NOTCH2: variants seen among roughly 807,000 people sequenced by gnomAD.
The protein encoded by NOTCH2 is notch receptor 2.
Under a neutral mutation model 235.8 loss-of-function variants are expected in NOTCH2, and 29 were observed. That is an observed-to-expected ratio of 0.12 (90% CI 0.09 to 0.17). The LOEUF (loss-of-function observed/expected upper bound fraction) is 0.17, where lower values mean the gene tolerates loss of function less well. Ranked by LOEUF, NOTCH2 falls within the 10% of genes least tolerant of loss-of-function variation. The probability of loss-of-function intolerance (pLI) is 1.00; values close to 1 mark genes in which losing one functional copy is unlikely to be tolerated. For missense variants in NOTCH2, 2,285 were observed against 3,150.2 expected (o/e 0.73, Z 6.57); for synonymous variants, 1,086 against 1,141.5 (o/e 0.95, Z 0.98).
intron 4 of NOTCH2, chr1:119,994,529 T>TACACACAC (rs36007595): frequency 1.8e-5 from 2 of 111,922 alleles, no homozygotes; most frequent in African/African-American, 4.3e-5. Context: ...CATATATATA[T>TACACACAC]ACACACACAC....
At chr1:119,916,760 A>C in intron 33 of NOTCH2, 66 bp from the exon 34 acceptor site, 2 of 1,507,824 alleles carry the variant, frequency 1.3e-6, no homozygotes, top group Non-Finnish European at 1.8e-6. Flanking sequence ...AGTTTTTCTC[A>C]ATCTTTTTTA....
rs1655157702 is a variant in NOTCH2 at position 120,057,289 on chromosome 1, GCTA to G, written c.73+12042_73+12044del. Among the ~76,000 whole-genome samples the G allele has an allele frequency of 7.3e-5, 9 of 123,660 alleles. No individual in the cohort carries two copies. The South Asian group carries it at 2.3e-3, about 32-fold the overall frequency. The allele number at this position is 123,660 out of a possible 152,430, so 81.1% of individuals were successfully genotyped here. A position where few individuals can be genotyped will look rare whatever the true frequency, so the allele number is the denominator to read the frequency against. On this transcript the variant is annotated intron_variant, in intron 1 of 33. Transcript: ENST00000256646. ...CTTCATAACAACTCCAAAATATACT[GCTA>G]CTATCTTTATTTTTAAAATAATAAA...
At position 119,929,077 on chromosome 1, in the gene NOTCH2, T is replaced by G; in HGVS notation, c.3791A>C (p.Asp1264Ala). Residue 1264 changes from aspartate to alanine, a missense_variant, in exon 23 of 34, where the codon GAC becomes GCC. By Grantham distance (126) the Asp-to-Ala change is moderately radical (BLOSUM62 -2). Coordinates refer to ENST00000256646, the MANE Select transcript of NOTCH2 (RefSeq NM_024408.4). ...GGGGTTGGAGAGGCACTCGTTGATG[T>G]CTCCCTCACAACGCTCCCCAGCAAA... ...PGFAGERCEGDINECLSNPCS... is the reference protein window; with the variant it reads ...PGFAGERCEGAINECLSNPCS... The G allele has an allele frequency of 6.2e-7, 1 of 1,614,130 alleles. No individual in the cohort carries two copies. Among genetic ancestry groups the G allele is most frequent in the Non-Finnish European group, 8.5e-7 (1 of 1,180,024 alleles).
intron 1 of NOTCH2, among the ~76,000 whole-genome samples, chr1:120,038,937 T>C (rs1325656811): frequency 2.6e-5 from 4 of 152,008 alleles, no homozygotes; most frequent in African/African-American, 9.7e-5. Flanking sequence ...AAAAACTAGC[T>C]GAAATAGGTT....
intron 22 of NOTCH2, among the ~76,000 whole-genome samples, chr1:119,932,863 A>G (rs1649717736): frequency 6.6e-6 from 1 of 152,184 alleles, no homozygotes; most frequent in Non-Finnish European, 1.5e-5. Flanking sequence ...CAAACAACCA[A>G]AAGTGGCGAT....
At chr1:120,062,857 G>A (rs2603829) in intron 1 of NOTCH2, among the ~76,000 whole-genome samples, 7 of 152,246 alleles carry the variant, frequency 4.6e-5, no homozygotes, top group African/African-American at 2.4e-5. Flanking sequence ...ACATACACAA[G>A]TTAATACAAT....
intron 5 of NOTCH2, among the ~76,000 whole-genome samples, chr1:119,970,579 G>A (rs782040358): frequency 2.0e-5 from 3 of 152,204 alleles, no homozygotes; most frequent in African/African-American, 4.8e-5. Context: ...AGCTAAACAT[G>A]AGCCCACATC....
intron 1 of NOTCH2, among the ~76,000 whole-genome samples, chr1:120,051,190 G>A (rs1654973963): frequency 1.6e-5 from 1 of 62,576 alleles, no homozygotes; most frequent in Non-Finnish European, 2.5e-5. Flanking sequence ...TATAAAAAAA[G>A]TTTTGAAAAA....
At position 119,955,132 on chromosome 1, in the gene NOTCH2, G is replaced by C. The variant is rs141051853; in HGVS notation, c.2127C>G (p.Pro709=). 2.5e-6 allele frequency: 4 copies of C among 1,614,072 alleles called. No homozygotes were observed. The South Asian group carries it at 4.4e-5, about 18-fold the overall frequency. The stretch of plus-strand genomic sequence containing the variant: ...AGCAGCTGGGGTGATGGGGTCCCTC[G>C]GGGCATATACAGCGGAAACCATTCA... The part of the protein sequence containing the change: ...NGVNGFRCIC[P]EGPHHPSCYS... The change falls in exon 13 of 34, where the codon CCC becomes CCG. Residue 709 remains proline, a synonymous_variant. Transcript: ENST00000256646.
At chr1:119,951,947 A>C (rs1650490951) in intron 14 of NOTCH2, among the ~76,000 whole-genome samples, 1 of 152,246 alleles carries the variant, frequency 6.6e-6, no homozygotes, top group Admixed American at 6.5e-5. Flanking sequence ...TTTCTTTGCC[A>C]ATGTAATACA....
rs2101156521 is a variant in NOTCH2, at chr1:119,922,778, G to A, written c.4860C>T (p.Gly1620=). The stretch of plus-strand genomic sequence containing the variant: ...TGTCAATTTCCAGAAAGACTTTAGA[G>A]CTGTGGGATGCCAAGGGAGAAGCGG... The part of the protein sequence containing the change: ...LPGEQEQEVA[G]SKVFLEIDNR... Residue 1620 remains glycine (G), a splice_region_variant and synonymous_variant, in exon 27 of 34, where the codon GGC becomes GGT. Coordinates refer to ENST00000256646, the MANE Select transcript of NOTCH2 (RefSeq NM_024408.4). 1 of 1,614,158 alleles carries A rather than the reference G, an allele frequency of 6.2e-7. No individual in the cohort carries two copies. Among genetic ancestry groups the A allele is most frequent in the Non-Finnish European group, 8.5e-7 (1 of 1,180,048 alleles).
Position 119,925,657 on chromosome 1 carries a change from C to A in NOTCH2, c.4159G>T (p.Gly1387Cys), listed in dbSNP as rs776253611. The change falls in exon 25 of 34, where the codon GGC (glycine) becomes TGC (cysteine). Residue 1387 changes from glycine to cysteine, a missense_variant. Physicochemically the swap from Gly to Cys is radical, Grantham distance 159. Coordinates refer to ENST00000256646, the MANE Select transcript of NOTCH2 (RefSeq NM_024408.4). ...GGCTGGCGCTGAGGGTGGCAGCTGC[C>A]CCCGTGCTGGCAGGGGCTACTGGCA... ...GCASSPCQHG[G>C]SCHPQRQPPY... 1.2e-6 allele frequency: 2 copies of A among 1,612,732 alleles called. No individual in the cohort carries two copies. The highest frequency in any genetic ancestry group is 1.7e-6 in the Non-Finnish European group (2 of 1,178,912).
At position 120,069,535 on chromosome 1, in the gene NOTCH2, C is replaced by T; in HGVS notation, c.-129G>A. ...TGCTTCAAAGGCTCAGGCCCTGGCG[C>T]TACGCTCCGAAGCCCAGGCGCAAAT... On this transcript the variant is annotated 5_prime_UTR_variant, in exon 1 of 34. Transcript: ENST00000256646. The T allele has an allele frequency of 7.0e-7, 1 of 1,423,106 alleles. No homozygotes were observed. 88.2% of individuals were successfully genotyped at this position (1,423,106 alleles called of 1,614,324 possible).
intron 15 of NOTCH2, chr1:119,950,288 G>T (rs587594261): frequency 2.8e-6 from 1 of 357,866 alleles, no homozygotes; most frequent in Non-Finnish European, 5.5e-6. Flanking sequence ...AATGGCAATA[G>T]GAACTTCTAC....
At chr1:120,067,671 T>C (rs1298355691) in intron 1 of NOTCH2, among the ~76,000 whole-genome samples, 1 of 152,240 alleles carries the variant, frequency 6.6e-6, no homozygotes, top group Admixed American at 6.5e-5. Flanking sequence ...TCATTGATCA[T>C]ACTCCTCTCT....
chr1:119,933,421 C>T (rs1553195398), intron 22 of NOTCH2, among the ~76,000 whole-genome samples: 1 of 152,108 alleles, frequency 6.6e-6, no homozygotes, highest in East Asian at 1.9e-4. Context: ...AACAAGCACA[C>T]ACAGTAAAAT....
At chr1:119,920,081 AT>A in intron 30 of NOTCH2, 147 bp downstream of exon 30, 1 of 824,690 alleles carries the variant, frequency 1.2e-6, no homozygotes, top group Non-Finnish European at 1.9e-6. Flanking sequence ...TTGTGGCTAC[AT>A]TCCTTAAGCA....
chr1:120,018,013 G>T (rs1287816388), intron 2 of NOTCH2, among the ~76,000 whole-genome samples: 4 of 151,502 alleles, frequency 2.6e-5, no homozygotes, highest in Non-Finnish European at 5.9e-5. Context: ...AAAGAAAAGT[G>T]TTGGAGCCTT....
chr1:119,963,338 A>AAC (rs1457756679), intron 11 of NOTCH2, among the ~76,000 whole-genome samples: 11 of 152,306 alleles, frequency 7.2e-5, no homozygotes, highest in African/African-American at 2.6e-4. Context: ...TATTTAACAA[A>AAC]ACACACACAA....
Sources: gnomAD v4.1 joint callset for allele counts (sites outside exome capture counted in the v4.1 genomes callset) on GRCh38, gnomAD v4.1.1 for gene constraint, MANE v1.5 for transcripts, NCBI Gene and HGNC (gene_info 2026-07-23, HGNC 2026-07-21) for gene names.